The following APPL1 variants were observed in gnomAD, a reference collection of about 807,000 sequenced individuals.
APPL1 encodes adaptor protein, phosphotyrosine interacting with PH domain and leucine zipper 1, also known as DCC-interacting protein 13-alpha.
Under a neutral mutation model 106.8 loss-of-function variants are expected in APPL1, and 42 were observed. That is an observed-to-expected ratio of 0.39 (90% CI 0.31 to 0.51). The LOEUF (loss-of-function observed/expected upper bound fraction) is 0.51, where lower values mean the gene tolerates loss of function less well. Ranked by LOEUF, APPL1 falls within the 20% of genes least tolerant of loss-of-function variation. The pLI is 0.75. For missense variants in APPL1, 769 were observed against 858.2 expected (o/e 0.90, Z 1.30); for synonymous variants, 263 against 281.8 (o/e 0.93, Z 0.67).
At chr3:57,240,199 C>G (rs1230983961) in intron 4 of APPL1, among the ~76,000 whole-genome samples, 5 of 143,548 alleles carry the variant, frequency 3.5e-5, no homozygotes, top group African/African-American at 1.3e-4. Context: ...TTGATGATGT[C>G]CATTATATAT....
intron 9 of APPL1, among the ~76,000 whole-genome samples, chr3:57,247,732 A>G (rs888039829): frequency 6.6e-6 from 1 of 152,214 alleles, no homozygotes; most frequent in Admixed American, 6.5e-5. Context: ...TAACAGACAC[A>G]TAATAGTAAC....
At chr3:57,267,335 G>GT (rs1241133152) in intron 19 of APPL1, among the ~76,000 whole-genome samples, 1 of 152,168 alleles carries the variant, frequency 6.6e-6, no homozygotes, top group Admixed American at 6.5e-5. Context: ...ACAGACCCAT[G>GT]TTTTCCCTGC....
chr3:57,267,636 G>T, intron 19 of APPL1, 106 bp from the exon 20 acceptor site: 1 of 913,320 alleles, frequency 1.1e-6, no homozygotes. Flanking sequence ...TTGAAGCAAT[G>T]TATTAGGATT....
intron 1 of APPL1, chr3:57,230,676 G>A (rs1297942910): frequency 7.7e-6 from 3 of 388,168 alleles, no homozygotes; most frequent in Non-Finnish European, 1.5e-5. Flanking sequence ...ATGCTTTGGA[G>A]CATAAATTTT....
intron 1 of APPL1, among the ~76,000 whole-genome samples, chr3:57,230,104 A>G (rs552277375): frequency 6.6e-6 from 1 of 152,314 alleles, no homozygotes; most frequent in East Asian, 1.9e-4. Context: ...TTTACTTGGG[A>G]AAATTAATTG....
intron 19 of APPL1, 48 bp downstream of exon 19, chr3:57,260,822 T>G (rs1213849478): frequency 8.8e-6 from 13 of 1,471,546 alleles, no homozygotes; most frequent in Non-Finnish European, 1.2e-5. Context: ...TACTAATTGA[T>G]TCTTACTAAG....
chr3:57,237,367 A>C, intron 2 of APPL1, 125 bp from the exon 3 acceptor site: 2 of 693,928 alleles, frequency 2.9e-6, no homozygotes, highest in South Asian at 3.7e-5. Context: ...CCAGTGATTT[A>C]ATGAAGGTTT....
At position 57,270,771 on chromosome 3, in the gene APPL1, G is replaced by A. The variant is rs1033608288; in HGVS notation, c.*1084G>A. 1 of 152,208 alleles carries A rather than the reference G, an allele frequency of 6.6e-6. No individual in the cohort carries two copies. The highest frequency in any genetic ancestry group is 6.5e-5 in the Admixed American group (1 of 15,276). The allele number at this position is 152,208 out of a possible 1,614,324, so 9.4% of individuals were successfully genotyped here. A position where few individuals can be genotyped will look rare whatever the true frequency, so the allele number is the denominator to read the frequency against. On this transcript the variant is annotated 3_prime_UTR_variant, in exon 22 of 22. Transcript: ENST00000288266. ...CTAATGTATGATAATAGAATAATTT[G>A]CACTAATTATTGTAAATATGTCTAC...
At chr3:57,245,686 G>T (rs527535510) in intron 7 of APPL1, among the ~76,000 whole-genome samples, 2 of 151,940 alleles carry the variant, frequency 1.3e-5, no homozygotes, top group Non-Finnish European at 2.9e-5. Context: ...GGAATTATAG[G>T]TGTGTACCAC....
In APPL1 at chr3:57,249,395, A is replaced by G. The variant is rs575618191; in HGVS notation, c.899A>G (p.Gln300Arg). The G allele has an allele frequency of 4.3e-6, 7 of 1,614,174 alleles. No individual in the cohort carries two copies. In the African/African-American group the frequency reaches 6.7e-5, roughly 15 times the overall value. ...TTGGTGTCATCTACCTGGGACAGAC[A>G]GTTTTACTTCACGCAGGGTGGAAAT... The part of the protein sequence containing the change: ...TGLVSSTWDR[Q>R]FYFTQGGNLM... Residue 300 changes from glutamine to arginine, a missense_variant, in exon 11 of 22, where the codon CAG (glutamine) becomes CGG (arginine). Transcript: ENST00000288266.
chr3:57,254,780 A>G (rs1320785417), intron 13 of APPL1, among the ~76,000 whole-genome samples: 1 of 152,184 alleles, frequency 6.6e-6, no homozygotes, highest in African/African-American at 2.4e-5. Context: ...CTGCGCCACC[A>G]TGCCCAGCCA....
chr3:57,240,887 A>G (rs971768100), intron 5 of APPL1, among the ~76,000 whole-genome samples: 3 of 152,218 alleles, frequency 2.0e-5, no homozygotes, highest in Non-Finnish European at 4.4e-5. Flanking sequence ...AGGATGTGAC[A>G]TGAGCATTGA....
intron 10 of APPL1, among the ~76,000 whole-genome samples, 162 bp from the exon 11 acceptor site, chr3:57,249,198 G>T (rs1240584397): frequency 1.3e-5 from 2 of 152,174 alleles, no homozygotes; most frequent in African/African-American, 2.4e-5. Flanking sequence ...CAACATACAT[G>T]AATTTATTTT....
At chr3:57,249,973 G>C (rs1305469760) in intron 11 of APPL1, among the ~76,000 whole-genome samples, 2 of 41,518 alleles carry the variant, frequency 4.8e-5, no homozygotes, top group African/African-American at 9.0e-5. Context: ...ATGTGAATGG[G>C]GGGGGGTTGT....
At chr3:57,234,050 C>G (rs564451066) in intron 1 of APPL1, among the ~76,000 whole-genome samples, 2 of 152,132 alleles carry the variant, frequency 1.3e-5, no homozygotes, top group African/African-American at 4.8e-5. Context: ...TGTTACTGCT[C>G]CAGCCTGGGA....
chr3:57,250,445 T>C (rs1015238603), intron 11 of APPL1, among the ~76,000 whole-genome samples: 15 of 152,210 alleles, frequency 9.9e-5, no homozygotes, highest in African/African-American at 3.4e-4. Context: ...CAGGCTTCTA[T>C]TACCTTTGCA....
intron 19 of APPL1, among the ~76,000 whole-genome samples, chr3:57,262,813 G>GGTGTGT (rs4060605): frequency 1.4e-3 from 198 of 142,746 alleles, no homozygotes; most frequent in African/African-American, 4.8e-3. Flanking sequence ...GGGTACAAGG[G>GGTGTGT]GTGTGTGTGT....
chr3:57,253,981 GC>G (rs1483129597), intron 13 of APPL1, among the ~76,000 whole-genome samples: 1 of 151,422 alleles, frequency 6.6e-6, no homozygotes, highest in African/African-American at 2.4e-5. Flanking sequence ...TCCTGCTTCA[GC>G]CTCACCAGTA....
At chr3:57,239,175 C>T (rs768680552) in intron 4 of APPL1, among the ~76,000 whole-genome samples, 33 of 152,112 alleles carry the variant, frequency 2.2e-4, no homozygotes, top group Non-Finnish European at 1.5e-4. Flanking sequence ...GAAACTGCCC[C>T]CATGATTCAG....
Sources: allele counts gnomAD v4.1 joint callset (sites outside exome capture counted in the v4.1 genomes callset), GRCh38; gene constraint gnomAD v4.1.1; transcripts MANE v1.5; gene names NCBI Gene and HGNC (gene_info 2026-07-23, HGNC 2026-07-21).